The following CDH12 variants were observed in gnomAD, a reference collection of about 807,000 sequenced individuals.
The protein encoded by CDH12 is cadherin-12.
Under a neutral mutation model 74.1 loss-of-function variants are expected in CDH12, and 41 were observed. The observed-to-expected ratio is 0.55, with a 90% CI of 0.43 to 0.72. The LOEUF is 0.72. CDH12 is among the 30% of genes least tolerant of loss of function. The pLI is 0.00. For synonymous variants in CDH12, 399 were observed against 355.0 expected (o/e 1.12, Z -1.39); for missense variants, 945 against 977.2 (o/e 0.97, Z 0.44).
intron 8 of CDH12, among the ~76,000 whole-genome samples, chr5:21,831,015 G>T (rs1227866287): frequency 6.6e-6 from 1 of 151,730 alleles, no homozygotes; most frequent in Non-Finnish European, 1.5e-5. Context: ...TCCAAGCCGG[G>T]GCGACAGAGA....
rs191132602 is a variant in CDH12 at position 22,288,452 on chromosome 5, G to T, written c.-332-75809C>A. Among the ~76,000 whole-genome samples the T allele has an allele frequency of 3.3e-5, 5 of 152,174 alleles. No homozygotes were observed. In the East Asian group the frequency reaches 9.7e-4, roughly 29 times the overall value. ...TTGTTTGCAGAAACATAATGTTTATGTTTCTACATATGTGTGTGTATGTAC... is the reference window on the plus strand; with the variant it reads ...TTGTTTGCAGAAACATAATGTTTATTTTTCTACATATGTGTGTGTATGTAC... On this transcript the variant is annotated intron_variant, in intron 3 of 14. Coordinates refer to ENST00000382254, the MANE Select transcript of CDH12 (RefSeq NM_004061.5).
chr5:22,779,750 A>C (rs1398372), intron 1 of CDH12, among the ~76,000 whole-genome samples: 22,082 of 151,868 alleles, frequency 0.15, 3,048 homozygotes, highest in African/African-American at 0.36. Context: ...TTTTCTCTTG[A>C]GCCATGATTG....
At chr5:22,348,671 G>A (rs1373980731) in intron 3 of CDH12, among the ~76,000 whole-genome samples, 1 of 152,142 alleles carries the variant, frequency 6.6e-6, no homozygotes, top group East Asian at 1.9e-4. Flanking sequence ...TGAGTGGTCA[G>A]CTTCAGGTTT....
intron 2 of CDH12, among the ~76,000 whole-genome samples, chr5:22,427,658 C>T (rs1215689585): frequency 6.6e-6 from 1 of 152,070 alleles, no homozygotes; most frequent in East Asian, 1.9e-4. Flanking sequence ...AGAGTTAAGG[C>T]CTTTTCTAGT....
At chr5:22,088,647 CA>C (rs1743219920) in intron 4 of CDH12, among the ~76,000 whole-genome samples, 1 of 152,110 alleles carries the variant, frequency 6.6e-6, no homozygotes, top group South Asian at 2.1e-4. Flanking sequence ...AGCTTTGTCT[CA>C]GGGGGCATAC....
chr5:22,467,644 T>C (rs1745790689), intron 2 of CDH12, among the ~76,000 whole-genome samples: 1 of 152,192 alleles, frequency 6.6e-6, no homozygotes, highest in South Asian at 2.1e-4. Flanking sequence ...CACATAGTAG[T>C]TGTTCAATAA....
In CDH12 at chr5:22,245,863, C is replaced by T. The variant is rs1445808006; in HGVS notation, c.-332-33220G>A. Among the ~76,000 whole-genome samples, 3 of 152,014 alleles carry T rather than the reference C, an allele frequency of 2.0e-5. No homozygotes were observed. The East Asian group carries it at 5.8e-4, about 29-fold the overall frequency. ...CCAGAGAAATTGCCCAGCTTTATTA[C>T]CCTCTTATTCATATAATTTAAATTC... On this transcript the variant is annotated intron_variant, in intron 3 of 14. Transcript: ENST00000382254.
Position 22,614,990 on chromosome 5 carries a change from T to G in CDH12, c.-522-109626A>C, listed in dbSNP as rs552257946. On this transcript the variant is annotated intron_variant, in intron 1 of 14. Coordinates refer to ENST00000382254, the MANE Select transcript of CDH12 (RefSeq NM_004061.5). ...TCATGTCATCCAGGGTGGGGAAGAG[T>G]GTGTCGGTGTAAGATTTCATCAAGC... 2.6e-5 allele frequency among the ~76,000 whole-genome samples: 4 copies of G among 151,766 alleles called. No individual in the cohort carries two copies. In the South Asian group the frequency reaches 8.3e-4, roughly 32 times the overall value.
At chr5:22,653,187 CTCTAAATACATTTA>C (rs980407304) in intron 1 of CDH12, among the ~76,000 whole-genome samples, 2 of 152,136 alleles carry the variant, frequency 1.3e-5, no homozygotes, top group African/African-American at 4.8e-5. Flanking sequence ...CTATTCCCTT[CTCTAAATACATTTA>C]TTACCTGGGT....
At chr5:22,066,730 T>C (rs1370772332) in intron 5 of CDH12, among the ~76,000 whole-genome samples, 1 of 152,166 alleles carries the variant, frequency 6.6e-6, no homozygotes, top group Non-Finnish European at 1.5e-5. Context: ...CATGACATTC[T>C]TGGAGAAACT....
At chr5:22,384,009 G>A (rs1187927908) in intron 3 of CDH12, among the ~76,000 whole-genome samples, 1 of 151,900 alleles carries the variant, frequency 6.6e-6, no homozygotes, top group Non-Finnish European at 1.5e-5. Context: ...TCCATTGTGG[G>A]TGTTAAATGG....
At chr5:22,090,488 C>CAAAAAAAAAA (rs57410067) in intron 4 of CDH12, among the ~76,000 whole-genome samples, 1 of 130,748 alleles carries the variant, frequency 7.6e-6, no homozygotes. Flanking sequence ...TCTGTAAACT[C>CAAAAAAAAAA]AAAAAAAAAA....
chr5:22,832,620 T>C (rs533515444), intron 1 of CDH12, among the ~76,000 whole-genome samples: 2 of 152,144 alleles, frequency 1.3e-5, no homozygotes, highest in Non-Finnish European at 2.9e-5. Context: ...AGAAGTATTT[T>C]AAAAGTTTAA....
chr5:22,236,942 T>C (rs1752579830), intron 3 of CDH12, among the ~76,000 whole-genome samples: 1 of 145,856 alleles, frequency 6.9e-6, no homozygotes, highest in Admixed American at 7.0e-5. Flanking sequence ...AAGGCCCTGC[T>C]TGAGGCTGTT....
At chr5:22,183,525 T>C (rs1477777039) in intron 4 of CDH12, among the ~76,000 whole-genome samples, 1 of 152,194 alleles carries the variant, frequency 6.6e-6, no homozygotes, top group Non-Finnish European at 1.5e-5. Context: ...AAGAACTATA[T>C]GGTGGTAACC....
At chr5:22,456,611 C>T (rs1001618494) in intron 2 of CDH12, among the ~76,000 whole-genome samples, 3 of 147,938 alleles carry the variant, frequency 2.0e-5, no homozygotes, top group African/African-American at 7.5e-5. Context: ...ATGACCTACT[C>T]TTCTAAATCT....
intron 3 of CDH12, among the ~76,000 whole-genome samples, chr5:22,241,282 A>G (rs1288919798): frequency 2.6e-5 from 4 of 152,048 alleles, no homozygotes; most frequent in Non-Finnish European, 4.4e-5. Context: ...ACCAAACTCT[A>G]ATTTACTATT....
At chr5:22,012,281 CTCTAATA>C (rs1247375877) in intron 5 of CDH12, among the ~76,000 whole-genome samples, 2 of 140,340 alleles carry the variant, frequency 1.4e-5, no homozygotes, top group Non-Finnish European at 3.1e-5. Context: ...TTAACTTTAA[CTCTAATA>C]TAATTGTTGT....
intron 6 of CDH12, among the ~76,000 whole-genome samples, chr5:21,967,970 CG>C (rs1392013713): frequency 2.0e-4 from 31 of 152,264 alleles, no homozygotes; most frequent in African/African-American, 7.2e-4. Flanking sequence ...TACAAATCAA[CG>C]GCTTGTCTCC....
Sources: allele counts gnomAD v4.1 joint callset (sites outside exome capture counted in the v4.1 genomes callset), GRCh38; gene constraint gnomAD v4.1.1; transcripts MANE v1.5; gene names NCBI Gene and HGNC (gene_info 2026-07-23, HGNC 2026-07-21).